The following RBMS3 variants were observed in gnomAD, a reference collection of about 807,000 sequenced individuals.
The protein encoded by RBMS3 is RNA binding motif single stranded interacting protein 3.
RBMS3 carries 27 observed loss-of-function variants against 66.8 expected under a neutral mutation model. The ratio of observed to expected loss-of-function variants is 0.40; its 90% CI spans 0.30 to 0.56. The LOEUF (loss-of-function observed/expected upper bound fraction) is 0.56. Ranked by LOEUF, RBMS3 falls within the 20% of genes least tolerant of loss-of-function variation. The pLI is 0.40. For synonymous variants in RBMS3, 188 were observed against 183.0 expected (o/e 1.03, Z -0.22); for missense variants, 513 against 549.5 (o/e 0.93, Z 0.66).
At chr3:29,865,189 G>C (rs1043801324) in intron 6 of RBMS3, among the ~76,000 whole-genome samples, 1 of 151,862 alleles carries the variant, frequency 6.6e-6, no homozygotes, top group Non-Finnish European at 1.5e-5. Flanking sequence ...TCAAACCCAG[G>C]AAGCTGGCAC....
At chr3:29,942,543 G>C (rs1017060696) in intron 11 of RBMS3, among the ~76,000 whole-genome samples, 1 of 150,726 alleles carries the variant, frequency 6.6e-6, no homozygotes, top group African/African-American at 2.4e-5. Context: ...GAGAGAAAGA[G>C]AAAGAAAAAA....
intron 2 of RBMS3, among the ~76,000 whole-genome samples, chr3:29,467,720 G>T (rs1172430829): frequency 6.6e-6 from 1 of 151,978 alleles, no homozygotes; most frequent in Non-Finnish European, 1.5e-5. Flanking sequence ...CATAGCCTTT[G>T]GTCAAACAAT....
intron 2 of RBMS3, among the ~76,000 whole-genome samples, chr3:29,471,564 A>G (rs2042726186): frequency 6.6e-6 from 1 of 152,144 alleles, no homozygotes; most frequent in South Asian, 2.1e-4. Context: ...CCTATAATCC[A>G]ATTGGGAAAA....
chr3:29,535,994 G>A (rs964796212), intron 3 of RBMS3, among the ~76,000 whole-genome samples: 6 of 151,750 alleles, frequency 4.0e-5, no homozygotes, highest in East Asian at 3.9e-4. Flanking sequence ...TTTAAATTTC[G>A]TCTGAAGTTT....
chr3:29,802,994 TC>T (rs2149445697), intron 6 of RBMS3, among the ~76,000 whole-genome samples: 1 of 152,248 alleles, frequency 6.6e-6, no homozygotes, highest in Admixed American at 6.5e-5. Context: ...ACGTTGACTT[TC>T]TGAAAATGGG....
chr3:29,428,539 G>A (rs1247467571), intron 1 of RBMS3, among the ~76,000 whole-genome samples: 4 of 150,110 alleles, frequency 2.7e-5, no homozygotes, highest in Non-Finnish European at 5.9e-5. Context: ...TGATGTGTGA[G>A]CAACATTTAT....
rs535709972 is a variant in RBMS3 at position 29,945,578 on chromosome 3, C to T, written c.1098+1324C>T. 4.0e-5 allele frequency among the ~76,000 whole-genome samples: 6 copies of T among 151,748 alleles called. No individual in the cohort carries two copies. In the South Asian group the frequency reaches 1.2e-3, roughly 32 times the overall value. On this transcript the variant is annotated intron_variant, in intron 12 of 14. Coordinates refer to ENST00000383767, the MANE Select transcript of RBMS3 (RefSeq NM_001003793.3). ...CCCTGGGAAGAGACTATATTTCATA[C>T]ATGGTACTTTTGTTTAACAAGATAC...
At chr3:29,865,106 G>GGAAGGAAGGAAGGA (rs2059325310) in intron 6 of RBMS3, among the ~76,000 whole-genome samples, 17 of 127,208 alleles carry the variant, frequency 1.3e-4, no homozygotes, top group African/African-American at 3.3e-4. Flanking sequence ...GGGAGGGAGG[G>GGAAGGAAGGAAGGA]AGGAAGGAAG....
intron 3 of RBMS3, among the ~76,000 whole-genome samples, chr3:29,542,074 G>A (rs2045784901): frequency 6.6e-6 from 1 of 152,140 alleles, no homozygotes; most frequent in Admixed American, 6.5e-5. Context: ...CCACTGTCAT[G>A]TAAGTTCTAT....
chr3:29,823,040 T>C (rs2058112023), intron 6 of RBMS3, among the ~76,000 whole-genome samples: 1 of 152,166 alleles, frequency 6.6e-6, no homozygotes, highest in South Asian at 2.1e-4. Flanking sequence ...AGATAATGAA[T>C]ATTTACATTT....
At chr3:29,645,510 A>C (rs1015164742) in intron 4 of RBMS3, among the ~76,000 whole-genome samples, 3 of 152,202 alleles carry the variant, frequency 2.0e-5, no homozygotes. Flanking sequence ...ACTTCTGTAC[A>C]AAGAGTGCTA....
chr3:29,373,737 A>G (rs1378494993), intron 1 of RBMS3, among the ~76,000 whole-genome samples: 1 of 152,218 alleles, frequency 6.6e-6, no homozygotes, highest in Non-Finnish European at 1.5e-5. Context: ...ATATTCTTCT[A>G]GCTGGTTTCT....
chr3:29,987,593 A>AT (rs536261488), intron 12 of RBMS3, among the ~76,000 whole-genome samples: 166 of 152,288 alleles, frequency 1.1e-3, no homozygotes, highest in Non-Finnish European at 2.0e-3. Context: ...GTAATACTCC[A>AT]TTTTTTTATA....
intron 2 of RBMS3, among the ~76,000 whole-genome samples, chr3:29,458,495 T>C (rs1338474080): frequency 1.3e-5 from 2 of 152,222 alleles, no homozygotes; most frequent in African/African-American, 4.8e-5. Flanking sequence ...TATTGGCATA[T>C]AACCTAAACA....
At chr3:29,867,175 T>C (rs888462095) in intron 6 of RBMS3, among the ~76,000 whole-genome samples, 1 of 152,132 alleles carries the variant, frequency 6.6e-6, no homozygotes, top group African/African-American at 2.4e-5. Context: ...GAAACAATTT[T>C]GAAATTCTCA....
At chr3:29,363,887 A>G (rs559319760) in intron 1 of RBMS3, among the ~76,000 whole-genome samples, 1 of 152,020 alleles carries the variant, frequency 6.6e-6, no homozygotes, top group Non-Finnish European at 1.5e-5. Context: ...TTGCTATCAA[A>G]TAGGATAGAA....
chr3:29,541,940 G>A (rs927561665), intron 3 of RBMS3, among the ~76,000 whole-genome samples: 1 of 151,976 alleles, frequency 6.6e-6, no homozygotes, highest in Non-Finnish European at 1.5e-5. Context: ...TCCTCACAGT[G>A]AGTCCTCCTC....
chr3:29,672,643 T>C (rs1273944419), intron 4 of RBMS3, among the ~76,000 whole-genome samples: 1 of 152,158 alleles, frequency 6.6e-6, no homozygotes, highest in Non-Finnish European at 1.5e-5. Context: ...AATCCTAGCC[T>C]CTGATAAAAC....
chr3:29,682,811 T>A lies in RBMS3; in HGVS notation c.400-56909T>A, dbSNP rs972156128. On this transcript the variant is annotated intron_variant, in intron 4 of 14. Transcript: ENST00000383767. ...CCAAGTAGGGTTTGGATACACAAAG[T>A]AGGAAAGAGAGAGAGAGAAGGAGAT... 2.6e-5 allele frequency among the ~76,000 whole-genome samples: 4 copies of A among 152,066 alleles called. No homozygotes were observed. In the East Asian group the frequency reaches 7.7e-4, roughly 29 times the overall value.
Sources: gnomAD v4.1 joint callset for allele counts (sites outside exome capture counted in the v4.1 genomes callset) on GRCh38, gnomAD v4.1.1 for gene constraint, MANE v1.5 for transcripts, NCBI Gene and HGNC (gene_info 2026-07-23, HGNC 2026-07-21) for gene names.